The following ANXA6 variants were observed in gnomAD, a reference collection of about 807,000 sequenced individuals.
ANXA6 encodes annexin A6.
Under a neutral mutation model 95.4 loss-of-function variants are expected in ANXA6, and 71 were observed. The observed-to-expected ratio is 0.74, with a 90% CI of 0.61 to 0.91. The LOEUF is 0.91. ANXA6 is among the 40% of genes least tolerant of loss of function. The pLI, the probability that ANXA6 is intolerant of heterozygous loss-of-function variation, is 0.00. For synonymous variants in ANXA6, 289 were observed against 315.9 expected, an observed-to-expected ratio of 0.91 and a Z score of 0.90; for missense variants, 830 against 876.4, an observed-to-expected ratio of 0.95 and a Z score of 0.67.
chr5:151,117,249 C>CA, intron 19 of ANXA6, 69 bp from the exon 20 acceptor site: 1 of 1,434,698 alleles, frequency 7.0e-7, no homozygotes, highest in Non-Finnish European at 9.4e-7. Flanking sequence ...TACCACCACA[C>CA]ACCCTGCTCA....
At chr5:151,139,214 A>C (rs1452956788) in intron 4 of ANXA6, 139 bp downstream of exon 4, 1 of 637,176 alleles carries the variant, frequency 1.6e-6, no homozygotes, top group Admixed American at 3.0e-5. Context: ...AGCTGATGAG[A>C]AGAAAAAGAG....
intron 23 of ANXA6, 42 bp from the exon 24 acceptor site, chr5:151,105,345 G>T (rs1416072484): frequency 1.3e-6 from 2 of 1,585,526 alleles, no homozygotes; most frequent in African/African-American, 2.7e-5. Flanking sequence ...GTGGTCAGAG[G>T]CTGTGAACCC....
intron 1 of ANXA6, among the ~76,000 whole-genome samples, chr5:151,149,285 T>C (rs1766048622): frequency 6.7e-6 from 1 of 149,818 alleles, no homozygotes; most frequent in Non-Finnish European, 1.5e-5. Context: ...GGAGACAGGG[T>C]CTACAGTGAA....
rs1053015566 is a variant in ANXA6, at chr5:151,140,249, G to A, written c.19-6C>T. 17 of 1,613,534 alleles carry A rather than the reference G, an allele frequency of 1.1e-5. No individual in the cohort carries two copies. The highest frequency in any genetic ancestry group is 1.3e-5 in the Non-Finnish European group (15 of 1,179,712). On this transcript the variant is annotated splice_polypyrimidine_tract_variant and splice_region_variant and intron_variant, in intron 2 of 25. Coordinates refer to ENST00000354546, the MANE Select transcript of ANXA6 (RefSeq NM_001155.5). ...GAGCCCCGGTACTTGGCACCCTGTG[G>A]AGAAAAAAGTAGAGGGTGAGCTGCC...
At chr5:151,147,368 C>G (rs1765999712) in intron 2 of ANXA6, among the ~76,000 whole-genome samples, 1 of 152,204 alleles carries the variant, frequency 6.6e-6, no homozygotes, top group African/African-American at 2.4e-5. Context: ...ACTCCACCTC[C>G]TTGCTCCAAG....
At chr5:151,137,088 T>C in intron 6 of ANXA6, 143 bp downstream of exon 6, 1 of 746,064 alleles carries the variant, frequency 1.3e-6, no homozygotes, top group Non-Finnish European at 2.2e-6. Flanking sequence ...AGCAAGTACT[T>C]ATTGGGTAGA....
intron 20 of ANXA6, among the ~76,000 whole-genome samples, chr5:151,114,765 A>C (rs1764949599): frequency 6.6e-6 from 1 of 152,146 alleles, no homozygotes; most frequent in Non-Finnish European, 1.5e-5. Context: ...GCAATTAACA[A>C]TCACTGTGGG....
intron 11 of ANXA6, among the ~76,000 whole-genome samples, chr5:151,130,641 C>A (rs182018105): frequency 7.2e-4 from 109 of 152,348 alleles, no homozygotes; most frequent in South Asian, 2.1e-4. Context: ...TTATGGCACA[C>A]TGGTGGGCAG....
chr5:151,131,355 C>G, intron 10 of ANXA6, 66 bp from the exon 11 acceptor site: 3 of 1,527,994 alleles, frequency 2.0e-6, no homozygotes, highest in Non-Finnish European at 2.7e-6. Context: ...GATGGCCTGA[C>G]TCCCTCTTTG....
intron 25 of ANXA6, among the ~76,000 whole-genome samples, chr5:151,102,441 C>T (rs1220004414): frequency 6.6e-6 from 1 of 152,162 alleles, no homozygotes; most frequent in African/African-American, 2.4e-5. Context: ...TGGTGGCTCA[C>T]ACCTGTAATC....
At chr5:151,106,701 G>A (rs916512237) in intron 23 of ANXA6, among the ~76,000 whole-genome samples, 1 of 152,146 alleles carries the variant, frequency 6.6e-6, no homozygotes, top group Non-Finnish European at 1.5e-5. Flanking sequence ...CATGCCCCCA[G>A]TCATGACATC....
intron 2 of ANXA6, among the ~76,000 whole-genome samples, chr5:151,145,681 T>C (rs530317458): frequency 6.6e-6 from 1 of 152,152 alleles, no homozygotes; most frequent in Non-Finnish European, 1.5e-5. Flanking sequence ...TTCAAGCTAA[T>C]AATTGAAAGC....
At chr5:151,141,160 A>G (rs1298323190) in intron 2 of ANXA6, among the ~76,000 whole-genome samples, 2 of 152,216 alleles carry the variant, frequency 1.3e-5, no homozygotes, top group Non-Finnish European at 2.9e-5. Flanking sequence ...TGGTTCACAG[A>G]GAAGTCAGAT....
At chr5:151,116,704 C>T (rs753860241) in intron 20 of ANXA6, among the ~76,000 whole-genome samples, 24 of 152,242 alleles carry the variant, frequency 1.6e-4, no homozygotes, top group South Asian at 4.1e-4. Flanking sequence ...CCTCCAATCT[C>T]GGTCCCATTT....
intron 16 of ANXA6, 24 bp downstream of exon 16, chr5:151,122,891 CAG>C: frequency 6.2e-7 from 1 of 1,606,878 alleles, no homozygotes; most frequent in Non-Finnish European, 8.5e-7. Flanking sequence ...GCATGTTGCA[CAG>C]AGAGCCCAGG....
At chr5:151,121,672 C>T (rs1416687033) in intron 17 of ANXA6, among the ~76,000 whole-genome samples, 2 of 152,204 alleles carry the variant, frequency 1.3e-5, no homozygotes, top group Non-Finnish European at 2.9e-5. Flanking sequence ...CAGACTCCAA[C>T]TGCTGGTGCT....
chr5:151,129,418 T>C lies in ANXA6; in HGVS notation c.907A>G (p.Ser303Gly), dbSNP rs1250404035. 2 of 1,613,578 alleles carry C rather than the reference T, an allele frequency of 1.2e-6. No individual in the cohort carries two copies. Among genetic ancestry groups the C allele is most frequent in the Non-Finnish European group, 1.7e-6 (2 of 1,179,870 alleles). ...FRTKYEKSLY[S>G]MIKNDTSGEY... ...TGAGCTCTGCTGACCTTGATCATGC[T>C]GTAGAGGGACTTCTCATACTTGGTC... The change falls in exon 12 of 26, where the codon AGC becomes GGC. Residue 303 changes from serine to glycine, a missense_variant. Transcript: ENST00000354546.
At position 151,108,664 on chromosome 5, in the gene ANXA6, G is replaced by T. The variant is rs1330154030; in HGVS notation, c.1685-114C>A. 8.0e-6 allele frequency: 7 copies of T among 878,620 alleles called. No individual in the cohort carries two copies. The African/African-American group carries it at 8.3e-5, about 10-fold the overall frequency. The allele number at this position is 878,620 out of a possible 1,614,324, so 54.4% of individuals were successfully genotyped here. A position where few individuals can be genotyped will look rare whatever the true frequency, so the allele number is the denominator to read the frequency against. ...AGGCTGTGCCTGAGAAAGTGGAAGG[G>T]CAGCAAATATGGCCACAGCCCAGGC... On this transcript the variant is annotated intron_variant, in intron 22 of 25. Coordinates refer to ENST00000354546, the MANE Select transcript of ANXA6 (RefSeq NM_001155.5).
In ANXA6 at chr5:151,134,421, G is replaced by T; in HGVS notation, c.546+6C>A. On this transcript the variant is annotated splice_donor_region_variant and intron_variant, in intron 8 of 25. Transcript: ENST00000354546. Reference sequence around the variant, plus strand: ...GCCTCAGGGACTTTCAGTGGTGCTTGTTTACCTGGACATCCTGTTGTACCA... The same window carrying T: ...GCCTCAGGGACTTTCAGTGGTGCTTTTTTACCTGGACATCCTGTTGTACCA... 6.2e-7 allele frequency: 1 copy of T among 1,613,878 alleles called. No individual in the cohort carries two copies. Among genetic ancestry groups the T allele is most frequent in the Non-Finnish European group, 8.5e-7 (1 of 1,179,836 alleles).
Sources: gnomAD v4.1 joint callset for allele counts (sites outside exome capture counted in the v4.1 genomes callset) on GRCh38, gnomAD v4.1.1 for gene constraint, MANE v1.5 for transcripts, NCBI Gene and HGNC (gene_info 2026-07-23, HGNC 2026-07-21) for gene names.